ANXA13: variants seen among roughly 807,000 people sequenced by gnomAD.
ANXA13 encodes the protein annexin A13.
ANXA13 carries 36 observed loss-of-function variants against 46.6 expected under a neutral mutation model. The ratio of observed to expected loss-of-function variants is 0.77; its 90% CI spans 0.59 to 1.02. The LOEUF (loss-of-function observed/expected upper bound fraction) is 1.02, where lower values mean the gene tolerates loss of function less well. Ranked by LOEUF, ANXA13 falls within the 50% of genes least tolerant of loss-of-function variation. The pLI is 0.00. For synonymous variants in ANXA13, 163 were observed against 152.9 expected (o/e 1.07, Z -0.49); for missense variants, 417 against 396.5 (o/e 1.05, Z -0.44).
At chr8:123,687,168 G>T (rs1813155683) in intron 9 of ANXA13, among the ~76,000 whole-genome samples, 2 of 152,126 alleles carry the variant, frequency 1.3e-5, no homozygotes, top group African/African-American at 2.4e-5. Context: ...GCCCAGGCAG[G>T]TGCTGAGTAA....
intron 8 of ANXA13, among the ~76,000 whole-genome samples, chr8:123,692,805 C>A (rs1813265164): frequency 6.6e-6 from 1 of 152,132 alleles, no homozygotes; most frequent in African/African-American, 2.4e-5. Flanking sequence ...CAGTGGTAGA[C>A]CCAGGATTTG....
At chr8:123,703,762 A>G (rs949163298) in intron 2 of ANXA13, among the ~76,000 whole-genome samples, 3 of 152,204 alleles carry the variant, frequency 2.0e-5, no homozygotes, top group Admixed American at 6.5e-5. Flanking sequence ...GCTCAAAGTA[A>G]TACAAGCTCA....
At chr8:123,696,004 G>A (rs1445908292) in intron 4 of ANXA13, among the ~76,000 whole-genome samples, 1 of 150,324 alleles carries the variant, frequency 6.7e-6, no homozygotes, top group Non-Finnish European at 1.5e-5. Context: ...TTACAGCTAG[G>A]CTAACACCTT....
rs1334957102 is a variant in ANXA13 at position 123,693,274 on chromosome 8, C to G, written c.565G>C (p.Asp189His). 6.2e-7 allele frequency: 1 copy of G among 1,614,070 alleles called. No homozygotes were observed. The highest frequency in any genetic ancestry group is 1.1e-5 in the South Asian group (1 of 91,076). The change falls in exon 8 of 11, where the codon GAT becomes CAT. Residue 189 changes from aspartate to histidine, a missense_variant. Asp to His is a moderately conservative substitution (Grantham distance 81, BLOSUM62 -1). Coordinates refer to ENST00000419625, the MANE Select transcript of ANXA13 (RefSeq NM_004306.4). ...YDAGEGRWGT[D>H]ELAFNEVLAK... Reference sequence around the variant, plus strand: ...AGGACTTCATTGAACGCAAGCTCATCAGTGCCCCAGCGGCCTTCCCCTGCC... The same window carrying G: ...AGGACTTCATTGAACGCAAGCTCATGAGTGCCCCAGCGGCCTTCCCCTGCC...
intron 1 of ANXA13, among the ~76,000 whole-genome samples, chr8:123,725,858 G>A (rs4509301): frequency 0.29 from 43,864 of 152,052 alleles, 7,422 homozygotes; most frequent in South Asian, 0.47. Context: ...ATTAATCTGC[G>A]GGGGTTGATC....
At chr8:123,734,890 A>G (rs1814221127) in intron 1 of ANXA13, among the ~76,000 whole-genome samples, 1 of 151,736 alleles carries the variant, frequency 6.6e-6, no homozygotes, top group Non-Finnish European at 1.5e-5. Context: ...TTGCAGGCTA[A>G]TGATGAAAGA....
rs775491952 is a variant in ANXA13, at chr8:123,695,546, C to T, written c.427G>A (p.Asp143Asn). 6.2e-7 allele frequency: 1 copy of T among 1,614,056 alleles called. No individual in the cohort carries two copies. Among genetic ancestry groups the T allele is most frequent in the South Asian group, 1.1e-5 (1 of 91,056 alleles). Reference sequence around the variant, plus strand: ...ATTTTTTTTAGGTTTCCACTTGTATCACCTTTGACATCTGATTCGAGGCTC... The same window carrying T: ...ATTTTTTTTAGGTTTCCACTTGTATTACCTTTGACATCTGATTCGAGGCTC... ...DRSLESDVKG[D>N]TSGNLKKILV... The change falls in exon 6 of 11, where the codon GAT becomes AAT. Residue 143 changes from aspartate (D) to asparagine (N), a missense_variant. Transcript: ENST00000419625.
chr8:123,695,817 A>T, intron 4 of ANXA13, 96 bp from the exon 5 acceptor site: 1 of 1,089,380 alleles, frequency 9.2e-7, no homozygotes, highest in Non-Finnish European at 1.4e-6. Context: ...GTCTGGACAC[A>T]AAGTGCCTTC....
chr8:123,697,622 C>T (rs530932074), intron 4 of ANXA13, among the ~76,000 whole-genome samples: 33 of 152,320 alleles, frequency 2.2e-4, no homozygotes, highest in African/African-American at 7.7e-4. Context: ...CCAACATCTG[C>T]TTCTATTTCC....
chr8:123,717,418 T>C (rs1040266257), intron 1 of ANXA13, among the ~76,000 whole-genome samples: 1 of 152,192 alleles, frequency 6.6e-6, no homozygotes. Flanking sequence ...ATTCTACATA[T>C]TTAGATTTAA....
chr8:123,711,028 A>T (rs547250790), intron 2 of ANXA13, among the ~76,000 whole-genome samples: 1 of 152,096 alleles, frequency 6.6e-6, no homozygotes, highest in Non-Finnish European at 1.5e-5. Flanking sequence ...AAAATCACAC[A>T]ACCATGTGGG....
intron 1 of ANXA13, among the ~76,000 whole-genome samples, chr8:123,719,558 AAGG>A (rs1440926888): frequency 1.3e-5 from 2 of 152,178 alleles, no homozygotes; most frequent in African/African-American, 4.8e-5. Flanking sequence ...AGGAATTTTT[AAGG>A]AGGAGTTGAC....
chr8:123,682,921 C>T (rs1265649637), intron 10 of ANXA13, among the ~76,000 whole-genome samples: 2 of 152,140 alleles, frequency 1.3e-5, no homozygotes, highest in Admixed American at 6.5e-5. Context: ...TGGGCCATGT[C>T]GGAGTGATCA....
At chr8:123,687,603 T>TA (rs375349163) in intron 9 of ANXA13, among the ~76,000 whole-genome samples, 63 of 151,574 alleles carry the variant, frequency 4.2e-4, no homozygotes, top group African/African-American at 1.5e-3. Context: ...AAGGATGGAT[T>TA]AAAAAAAAAT....
chr8:123,693,089 A>T, intron 8 of ANXA13, 108 bp downstream of exon 8: 1 of 918,530 alleles, frequency 1.1e-6, no homozygotes, highest in Non-Finnish European at 1.7e-6. Context: ...ATTGAGAACC[A>T]CTGTTGTAAA....
At chr8:123,684,300 T>G (rs1225774229) in intron 10 of ANXA13, among the ~76,000 whole-genome samples, 2 of 152,194 alleles carry the variant, frequency 1.3e-5, no homozygotes, top group East Asian at 3.9e-4. Context: ...TGTTTTGTCT[T>G]CCTTAACATG....
chr8:123,732,002 T>G (rs963371856), intron 1 of ANXA13, among the ~76,000 whole-genome samples: 15 of 152,116 alleles, frequency 9.9e-5, no homozygotes, highest in Non-Finnish European at 1.9e-4. Context: ...GGGCAGGGGA[T>G]GGAGAAAGCT....
At chr8:123,727,947 G>A (rs1272153776) in intron 1 of ANXA13, 1 of 152,154 alleles carries the variant, frequency 6.6e-6, no homozygotes, top group East Asian at 1.9e-4. Flanking sequence ...TCTGAAAGAT[G>A]AGTGCTGAGA....
chr8:123,691,133 A>T (rs974369114), intron 8 of ANXA13, among the ~76,000 whole-genome samples: 1 of 152,232 alleles, frequency 6.6e-6, no homozygotes, highest in African/African-American at 2.4e-5. Context: ...CTTAGAGCAT[A>T]AATAAATGGC....
Sources: allele counts gnomAD v4.1 joint callset (sites outside exome capture counted in the v4.1 genomes callset), GRCh38; gene constraint gnomAD v4.1.1; transcripts MANE v1.5; gene names NCBI Gene and HGNC (gene_info 2026-07-23, HGNC 2026-07-21).